The following SIK3 variants were observed in gnomAD, a reference collection of about 807,000 sequenced individuals.
The protein encoded by SIK3 is serine/threonine-protein kinase SIK3.
In SIK3, 28 loss-of-function variants were observed where a neutral mutation model predicts 144.2. That is an observed-to-expected ratio of 0.19 (90% CI 0.14 to 0.27). The LOEUF is 0.27. Ranked by LOEUF, SIK3 falls within the 10% of genes least tolerant of loss-of-function variation. SIK3 has a pLI of 1.00. For synonymous variants in SIK3, 686 were observed against 676.3 expected, an observed-to-expected ratio of 1.01 and a Z score of -0.22; for missense variants, 1,319 against 1,776.0, an observed-to-expected ratio of 0.74 and a Z score of 4.62.
At chr11:116,928,340 T>C (rs1947399385) in intron 3 of SIK3, among the ~76,000 whole-genome samples, 1 of 152,204 alleles carries the variant, frequency 6.6e-6, no homozygotes, top group African/African-American at 2.4e-5. Flanking sequence ...TATGATACAG[T>C]TGTTCTGTTA....
chr11:116,941,033 G>T (rs1948270113), intron 3 of SIK3, among the ~76,000 whole-genome samples: 2 of 152,048 alleles, frequency 1.3e-5, no homozygotes, highest in Admixed American at 6.6e-5. Context: ...TTGAGACGGA[G>T]CCTCGCTCTG....
chr11:117,006,282 T>C (rs962115484), intron 1 of SIK3, among the ~76,000 whole-genome samples: 34 of 152,252 alleles, frequency 2.2e-4, no homozygotes, highest in African/African-American at 7.9e-4. Flanking sequence ...GATGTTTCCT[T>C]ATGGGCTATG....
chr11:117,029,281 A>T (rs1030983002), intron 1 of SIK3, among the ~76,000 whole-genome samples: 7 of 149,772 alleles, frequency 4.7e-5, no homozygotes, highest in African/African-American at 1.8e-4. Context: ...CCTGGGCAAC[A>T]TGGTGAAACC....
At position 116,877,023 on chromosome 11, in the gene SIK3, G is replaced by A; in HGVS notation, c.885C>T (p.Arg295=). 6.2e-7 allele frequency: 1 copy of A among 1,614,122 alleles called. No individual in the cohort carries two copies. Among genetic ancestry groups the A allele is most frequent in the African/African-American group, 1.3e-5 (1 of 75,034 alleles). ...TATTGGGATCTAACACCAACATATG[G>A]CGGATCAAATGCTCACATTCTGCAA... ...FMSTECEHLI[R]HMLVLDPNKR... is the part of the protein sequence containing the mutation. Residue 295 remains arginine, a synonymous_variant, in exon 7 of 25, where the codon CGC becomes CGT. Coordinates refer to ENST00000445177, the MANE Select transcript of SIK3 (RefSeq NM_001366686.3).
chr11:116,869,980 C>A lies in SIK3; in HGVS notation c.1808+351G>T, dbSNP rs912888667. 7.8e-6 allele frequency: 5 copies of A among 639,794 alleles called. No homozygotes were observed. The African/African-American group carries it at 9.5e-5, about 12-fold the overall frequency. The allele number at this position is 639,794 out of a possible 1,614,324, so 39.6% of individuals were successfully genotyped here. On this transcript the variant is annotated intron_variant, in intron 14 of 24. Transcript: ENST00000445177. The stretch of plus-strand genomic sequence containing the variant: ...TCACTGTCATCCCACATCTCCAATT[C>A]CTTTTCAGTAAACAGTTCTTGGCAG...
chr11:117,098,289 G>T lies in SIK3; in HGVS notation c.127C>A (p.Pro43Thr). ...GGGGGACGCGGCTGGCCGGCCGCAG[G>T]GGACACGGCAGCGGGGGCGGCTGGG... ...GSPAAPAAVS[P>T]AAGQPRPPAP... Residue 43 changes from proline (P) to threonine (T), a missense_variant, in exon 1 of 25, where the codon CCT becomes ACT. Coordinates refer to ENST00000445177, the MANE Select transcript of SIK3 (RefSeq NM_001366686.3). 8.0e-7 allele frequency: 1 copy of T among 1,250,876 alleles called. No homozygotes were observed. Among genetic ancestry groups the T allele is most frequent in the Non-Finnish European group, 1.0e-6 (1 of 989,958 alleles). 77.5% of individuals were successfully genotyped at this position (1,250,876 alleles called of 1,614,324 possible). A position where few individuals can be genotyped will look rare whatever the true frequency, so the allele number is the denominator to read the frequency against.
intron 1 of SIK3, among the ~76,000 whole-genome samples, chr11:117,054,022 C>T (rs756589018): frequency 3.9e-5 from 6 of 152,326 alleles, no homozygotes; most frequent in Non-Finnish European, 8.8e-5. Context: ...CCTCCTGCTT[C>T]AGACTCCCAA....
chr11:116,876,877 G>A (rs753437832), intron 7 of SIK3, 47 bp downstream of exon 7: 78 of 1,485,004 alleles, frequency 5.3e-5, no homozygotes, highest in Middle Eastern at 1.7e-4. Context: ...AAAGGAGGCT[G>A]CAGCAGCTTT....
rs1220461730 is a variant in SIK3, at chr11:116,844,962, G to T, written c.*681C>A. On this transcript the variant is annotated 3_prime_UTR_variant, in exon 25 of 25. Transcript: ENST00000445177. ...AGCCTCCGTGCCAAACTCTTCATAT[G>T]ATCTTGGCTAGGACAGACATGTTTT... 6.6e-6 allele frequency: 1 copy of T among 152,016 alleles called. No individual in the cohort carries two copies. Among genetic ancestry groups the T allele is most frequent in the Admixed American group, 6.6e-5 (1 of 15,234 alleles). 9.4% of individuals were successfully genotyped at this position (152,016 alleles called of 1,614,324 possible).
Position 116,969,057 on chromosome 11 carries a change from G to A in SIK3, c.274-11993C>T, listed in dbSNP as rs956421639. On this transcript the variant is annotated intron_variant, in intron 1 of 24. Coordinates refer to ENST00000445177, the MANE Select transcript of SIK3 (RefSeq NM_001366686.3). The stretch of plus-strand genomic sequence containing the variant: ...TGTAATCCCAGCATTTTGGGAGGCC[G>A]AGGCGGGTGGATCACAAGGTCAGGA... 3.3e-5 allele frequency among the ~76,000 whole-genome samples: 5 copies of A among 152,176 alleles called. No homozygotes were observed. In the East Asian group the frequency reaches 7.7e-4, roughly 24 times the overall value.
chr11:117,075,175 G>A (rs1021348338), intron 1 of SIK3, among the ~76,000 whole-genome samples: 20 of 152,098 alleles, frequency 1.3e-4, no homozygotes, highest in African/African-American at 4.6e-4. Flanking sequence ...ACTGCCCCTG[G>A]GAAGGGAAAT....
At position 116,997,373 on chromosome 11, in the gene SIK3, A is replaced by G. The variant is rs146056674; in HGVS notation, c.274-40309T>C. Reference sequence around the variant, plus strand: ...AGACCCCAAACAGCTGACTTAGCTCATATGTGTAGTAATCATTCATTCAAC... The same window carrying G: ...AGACCCCAAACAGCTGACTTAGCTCGTATGTGTAGTAATCATTCATTCAAC... On this transcript the variant is annotated intron_variant, in intron 1 of 24. Transcript: ENST00000445177. 1.7e-3 allele frequency among the ~76,000 whole-genome samples: 253 copies of G among 152,382 alleles called. 2 individuals are homozygous for G. Among genetic ancestry groups the G allele is most frequent in the African/African-American group, 5.6e-3 (235 of 41,598 alleles).
chr11:117,090,338 C>G (rs1465385838), intron 1 of SIK3, among the ~76,000 whole-genome samples: 3 of 150,498 alleles, frequency 2.0e-5, no homozygotes, highest in African/African-American at 7.4e-5. Flanking sequence ...AGACCAGAAA[C>G]TAGAACTATA....
At chr11:117,013,955 A>ATTTTTTTT (rs1951402523) in intron 1 of SIK3, among the ~76,000 whole-genome samples, 2 of 9,922 alleles carry the variant, frequency 2.0e-4, no homozygotes, top group African/African-American at 5.5e-4. Context: ...TGTGTGTTTT[A>ATTTTTTTT]TTTCTTTTTT....
At position 117,097,965 on chromosome 11, in the gene SIK3, C is replaced by G. The variant is rs181116059; in HGVS notation, c.273+178G>C. 8.6e-3 allele frequency among the ~76,000 whole-genome samples: 1,310 copies of G among 151,768 alleles called. 9 individuals carry two copies. Among genetic ancestry groups the G allele is most frequent in the Non-Finnish European group, 0.013 (910 of 67,864 alleles). Reference sequence around the variant, plus strand: ...CCCCCTGCTTGGAGTTCCGCCGTCTCGAGTCCCAGGTGTCCCTAGCTCCGC... The same window carrying G: ...CCCCCTGCTTGGAGTTCCGCCGTCTGGAGTCCCAGGTGTCCCTAGCTCCGC... On this transcript the variant is annotated intron_variant, in intron 1 of 24. Coordinates refer to ENST00000445177, the MANE Select transcript of SIK3 (RefSeq NM_001366686.3).
intron 1 of SIK3, among the ~76,000 whole-genome samples, chr11:117,043,419 A>ATGAC (rs1174322143): frequency 6.6e-6 from 1 of 152,152 alleles, no homozygotes; most frequent in Non-Finnish European, 1.5e-5. Flanking sequence ...CTCCCCACTC[A>ATGAC]ATGAGGCTTA....
chr11:116,876,987 G>T lies in SIK3; in HGVS notation c.921C>A (p.Ser307=), dbSNP rs775636893. The change falls in exon 7 of 25, where the codon TCC becomes TCA. Residue 307 remains serine (S), a synonymous_variant. Coordinates refer to ENST00000445177, the MANE Select transcript of SIK3 (RefSeq NM_001366686.3). ...MLVLDPNKRL[S]MEQICKHKWM... ...ACTTGTGCTTGCAGATCTGCTCCATGGAGAGGCGCTTATTGGGATCTAACA... is the reference window on the plus strand; with the variant it reads ...ACTTGTGCTTGCAGATCTGCTCCATTGAGAGGCGCTTATTGGGATCTAACA... 2.2e-5 allele frequency: 35 copies of T among 1,614,126 alleles called. No homozygotes were observed. The highest frequency in any genetic ancestry group is 2.7e-5 in the Non-Finnish European group (32 of 1,180,016).
intron 4 of SIK3, among the ~76,000 whole-genome samples, chr11:116,916,322 A>G (rs970924332): frequency 2.6e-5 from 4 of 152,148 alleles, no homozygotes; most frequent in African/African-American, 9.7e-5. Context: ...TGATACAAAT[A>G]TTATACTCAC....
intron 1 of SIK3, among the ~76,000 whole-genome samples, chr11:117,023,615 A>ATATATATATATATATATATATATAT: frequency 1.9e-5 from 2 of 103,996 alleles, no homozygotes; most frequent in East Asian, 5.2e-4. Context: ...CAAACAAAAA[A>ATATATATATATATATATATATATAT]AAAAAAATAT....
Sources: gnomAD v4.1 joint callset for allele counts (sites outside exome capture counted in the v4.1 genomes callset) on GRCh38, gnomAD v4.1.1 for gene constraint, MANE v1.5 for transcripts, NCBI Gene and HGNC (gene_info 2026-07-23, HGNC 2026-07-21) for gene names.